The following INSL6 variants were observed in gnomAD, a reference collection of about 807,000 sequenced individuals.
The protein encoded by INSL6 is insulin like 6.
INSL6 carries 16 observed loss-of-function variants against 9.4 expected under a neutral mutation model. The ratio of observed to expected loss-of-function variants is 1.70; its 90% confidence interval spans 1.15 to 2.59. INSL6 has a LOEUF of 2.59. Among genes scored for constraint, INSL6 ranks in the 30% most tolerant of loss-of-function variants. The probability of loss-of-function intolerance (pLI) is 0.00; values close to 1 mark genes in which losing one functional copy is unlikely to be tolerated. For synonymous variants in INSL6, 154 were observed against 96.9 expected (o/e 1.59, Z -3.46); for missense variants, 391 against 257.3 (o/e 1.52, Z -3.56).
At chr9:5,027,548 A>G in the INSL6 span, among the ~76,000 whole-genome samples, 2 of 152,102 alleles carry the variant, frequency 1.3e-5, no homozygotes, top group Admixed American at 6.6e-5. Flanking sequence ...AAATAAGACA[A>G]TGAAGGTTGC....
the INSL6 span, among the ~76,000 whole-genome samples, chr9:5,018,307 G>A: frequency 2.6e-3 from 389 of 152,068 alleles, 1 homozygote; most frequent in Non-Finnish European, 4.5e-3. Flanking sequence ...TTTCATAATG[G>A]TAGTAATTGT....
intron 2 of INSL6, among the ~76,000 whole-genome samples, chr9:5,136,789 A>G (rs1471311791): frequency 1.3e-5 from 2 of 152,182 alleles, no homozygotes; most frequent in Non-Finnish European, 1.5e-5. Flanking sequence ...GGCAAGAGAA[A>G]GAAATAAAGG....
the INSL6 span, among the ~76,000 whole-genome samples, chr9:5,012,892 G>A: frequency 1.4e-3 from 218 of 152,206 alleles, 1 homozygote; most frequent in South Asian, 0.013. Context: ...GTTATTGGGA[G>A]GCAAAGTAGA....
chr9:5,112,553 A>G, the INSL6 span: 3 of 616,002 alleles, frequency 4.9e-6, no homozygotes, highest in Non-Finnish European at 8.6e-6. Context: ...CAGGTGGCCA[A>G]TAACGCCAGG....
At chr9:5,169,360 A>G (rs747619593) in intron 1 of INSL6, among the ~76,000 whole-genome samples, 4 of 152,230 alleles carry the variant, frequency 2.6e-5, no homozygotes, top group Non-Finnish European at 5.9e-5. Flanking sequence ...GCCTTGCAAG[A>G]GCTCCTGAAG....
chr9:5,006,619 T>A, the INSL6 span, among the ~76,000 whole-genome samples: 1 of 152,146 alleles, frequency 6.6e-6, no homozygotes, highest in Non-Finnish European at 1.5e-5. Flanking sequence ...AAGTACATCT[T>A]CATACAGCAA....
chr9:5,112,869 C>G, the INSL6 span: 12 of 444,492 alleles, frequency 2.7e-5, no homozygotes, highest in Non-Finnish European at 3.6e-5. Context: ...CTCCGTGGGA[C>G]GAGCCACCCG....
the INSL6 span, chr9:5,069,194 C>T: frequency 1.9e-6 from 3 of 1,600,304 alleles, no homozygotes; most frequent in African/African-American, 2.7e-5. Flanking sequence ...AAATGCTGTC[C>T]CCCAAAGCCA....
the INSL6 span, among the ~76,000 whole-genome samples, chr9:5,037,242 T>G: frequency 1.3e-5 from 2 of 151,936 alleles, no homozygotes; most frequent in Non-Finnish European, 2.9e-5. Context: ...AATAGGAACA[T>G]TTTTACACTG....
chr9:4,995,728 C>G, the INSL6 span, among the ~76,000 whole-genome samples: 4 of 152,124 alleles, frequency 2.6e-5, no homozygotes, highest in Non-Finnish European at 5.9e-5. Context: ...ATGAATAAAT[C>G]AAGCATTTAG....
chr9:5,038,548 A>T, the INSL6 span, among the ~76,000 whole-genome samples: 41 of 152,162 alleles, frequency 2.7e-4, no homozygotes, highest in South Asian at 8.5e-3. Flanking sequence ...TACAGCTTGA[A>T]TATGTCTTAT....
the INSL6 span, chr9:5,113,445 A>C: frequency 1.6e-5 from 2 of 127,680 alleles, no homozygotes; most frequent in African/African-American, 2.7e-5. Flanking sequence ...AAAAAAAAAA[A>C]AAAACCCGGA....
At chr9:5,116,219 C>T in the INSL6 span, among the ~76,000 whole-genome samples, 8 of 152,136 alleles carry the variant, frequency 5.3e-5, no homozygotes, top group African/African-American at 1.9e-4. Flanking sequence ...CCCAAGGTGG[C>T]ATGACTAGTA....
At chr9:5,107,327 G>A in the INSL6 span, among the ~76,000 whole-genome samples, 1 of 151,934 alleles carries the variant, frequency 6.6e-6, no homozygotes. Context: ...GATAAATCCA[G>A]CCCCTATGAA....
rs372626636 is a variant in INSL6 at position 5,164,072 on chromosome 9, C to T, written c.483G>A (p.Leu161=). ...TTCTTTGGGGATGATGCCCCCAAAACAAATTGCTTAAGGTTTTAATTTTGT... is the reference window on the plus strand; with the variant it reads ...TTCTTTGGGGATGATGCCCCCAAAATAAATTGCTTAAGGTTTTAATTTTGT... ...RRNKIKTLSN[L]FWGHHPQRKR... The change falls in exon 2 of 2, where the codon TTG becomes TTA. Residue 161 remains leucine (L), a synonymous_variant. Coordinates refer to ENST00000381641, the MANE Select transcript of INSL6 (RefSeq NM_007179.3). The T allele has an allele frequency of 3.1e-6, 5 of 1,613,558 alleles. 1 individual carries two copies. In the African/African-American group the frequency reaches 4.0e-5, roughly 13 times the overall value.
chr9:5,008,049 C>T, the INSL6 span, among the ~76,000 whole-genome samples: 1 of 152,124 alleles, frequency 6.6e-6, no homozygotes, highest in Non-Finnish European at 1.5e-5. Flanking sequence ...GAATTCTTAT[C>T]AAACTGTTTA....
chr9:5,049,239 A>G, the INSL6 span, among the ~76,000 whole-genome samples: 1 of 152,160 alleles, frequency 6.6e-6, no homozygotes, highest in South Asian at 2.1e-4. Flanking sequence ...CTACTCTGCC[A>G]ATGGAAGAGA....
intron 1 of INSL6, among the ~76,000 whole-genome samples, chr9:5,185,068 A>T (rs193002563): frequency 6.6e-6 from 1 of 152,326 alleles, no homozygotes; most frequent in East Asian, 1.9e-4. Flanking sequence ...GGCACTCCAG[A>T]AAAGAACAAC....
chr9:5,078,472 G>A, the INSL6 span: 3 of 1,573,602 alleles, frequency 1.9e-6, no homozygotes, highest in African/African-American at 2.7e-5. Context: ...TATATATAAT[G>A]TTACTAAGCT....
Sources: gnomAD v4.1 joint callset for allele counts (sites outside exome capture counted in the v4.1 genomes callset) on GRCh38, gnomAD v4.1.1 for gene constraint, MANE v1.5 for transcripts, NCBI Gene and HGNC (gene_info 2026-07-23, HGNC 2026-07-21) for gene names.